Variants in EHBP1 observed in about 807,000 individuals in gnomAD.
EHBP1 encodes the protein EH domain-binding protein 1.
In EHBP1, 55 loss-of-function variants were observed where a neutral mutation model predicts 144.0. That is an observed-to-expected ratio of 0.38 (90% CI 0.31 to 0.48). EHBP1 has a LOEUF of 0.48. Ranked by LOEUF, EHBP1 falls within the 20% of genes least tolerant of loss-of-function variation. The pLI is 0.98. For missense variants in EHBP1, 1,200 were observed against 1,364.2 expected (o/e 0.88, Z 1.90); for synonymous variants, 469 against 472.7 (o/e 0.99, Z 0.10).
At chr2:62,684,800 G>C (rs2033662562) in intron 1 of EHBP1, among the ~76,000 whole-genome samples, 1 of 152,212 alleles carries the variant, frequency 6.6e-6, no homozygotes, top group Non-Finnish European at 1.5e-5. Context: ...GAGACAGGGA[G>C]GGAGGGAGAG....
chr2:62,874,318 A>G (rs754836397), intron 9 of EHBP1, 28 bp from the exon 10 acceptor site: 7 of 1,481,358 alleles, frequency 4.7e-6, no homozygotes, highest in South Asian at 4.0e-5. Flanking sequence ...TTTGAGAGAC[A>G]TCTAACAATA....
At chr2:62,895,445 A>C (rs918698989) in intron 10 of EHBP1, among the ~76,000 whole-genome samples, 3 of 152,138 alleles carry the variant, frequency 2.0e-5, no homozygotes, top group African/African-American at 7.2e-5. Context: ...CCCTGTCTTC[A>C]GCTTCTGCTG....
intron 1 of EHBP1, among the ~76,000 whole-genome samples, chr2:62,698,196 G>A (rs1194086091): frequency 6.6e-6 from 1 of 152,190 alleles, no homozygotes; most frequent in Non-Finnish European, 1.5e-5. Context: ...TGCTTTAATT[G>A]TTCAAGAAAA....
At chr2:63,039,419 A>G (rs1206330273) in intron 21 of EHBP1, among the ~76,000 whole-genome samples, 2 of 152,156 alleles carry the variant, frequency 1.3e-5, no homozygotes, top group Non-Finnish European at 2.9e-5. Flanking sequence ...CATTTACTAT[A>G]TATGATTTTT....
At chr2:62,725,408 G>A (rs1344517538) in intron 2 of EHBP1, among the ~76,000 whole-genome samples, 1 of 152,226 alleles carries the variant, frequency 6.6e-6, no homozygotes, top group African/African-American at 2.4e-5. Context: ...CAACCCATTC[G>A]TGGGGATGCG....
At chr2:62,858,544 G>C (rs760708451) in intron 7 of EHBP1, 12 of 1,432,912 alleles carry the variant, frequency 8.4e-6, no homozygotes, top group Non-Finnish European at 1.2e-5. Context: ...TTCTGCTTCT[G>C]ATTGCCTGTA....
chr2:62,957,151 G>A (rs1298523971), intron 14 of EHBP1, among the ~76,000 whole-genome samples: 2 of 151,984 alleles, frequency 1.3e-5, no homozygotes, highest in African/African-American at 4.8e-5. Flanking sequence ...ACATACCATG[G>A]TCAATTTGGA....
At chr2:62,905,632 CT>C (rs2152959054) in intron 10 of EHBP1, among the ~76,000 whole-genome samples, 1 of 152,114 alleles carries the variant, frequency 6.6e-6, no homozygotes, top group South Asian at 2.1e-4. Context: ...TGAGACCAGC[CT>C]GGGCAACATG....
At chr2:62,870,031 G>A (rs1394087208) in intron 9 of EHBP1, among the ~76,000 whole-genome samples, 1 of 152,068 alleles carries the variant, frequency 6.6e-6, no homozygotes, top group Non-Finnish European at 1.5e-5. Context: ...AAACTTTTGT[G>A]TATTAACATT....
chr2:62,692,782 T>TGG (rs1316914244), intron 1 of EHBP1, among the ~76,000 whole-genome samples: 2 of 152,134 alleles, frequency 1.3e-5, no homozygotes, highest in Non-Finnish European at 2.9e-5. Context: ...TATATATTTA[T>TGG]GGGGTACCTG....
intron 10 of EHBP1, among the ~76,000 whole-genome samples, chr2:62,935,324 A>T (rs1230746950): frequency 8.3e-6 from 1 of 119,988 alleles, no homozygotes; most frequent in Non-Finnish European, 1.7e-5. Context: ...GCGAGACTCC[A>T]TCTCAAAAAA....
chr2:63,017,628 TAAATTTCTC>T (rs2060538242), intron 19 of EHBP1, among the ~76,000 whole-genome samples: 2 of 152,162 alleles, frequency 1.3e-5, no homozygotes, highest in African/African-American at 4.8e-5. Flanking sequence ...TTTTAATACT[TAAATTTCTC>T]AACATCTCCT....
At chr2:62,922,848 G>C (rs141807530) in intron 10 of EHBP1, among the ~76,000 whole-genome samples, 4 of 152,246 alleles carry the variant, frequency 2.6e-5, no homozygotes, top group Non-Finnish European at 5.9e-5. Flanking sequence ...AGAACTTCTT[G>C]TTGTGGGTAA....
chr2:62,752,275 C>A (rs2039814648), intron 3 of EHBP1, among the ~76,000 whole-genome samples: 1 of 152,176 alleles, frequency 6.6e-6, no homozygotes, highest in African/African-American at 2.4e-5. Context: ...TGTTCAGTTT[C>A]CATGTAGTTG....
At chr2:63,006,263 A>G (rs528828739) in intron 19 of EHBP1, among the ~76,000 whole-genome samples, 82 of 152,044 alleles carry the variant, frequency 5.4e-4, no homozygotes, top group Non-Finnish European at 9.9e-4. Flanking sequence ...TTTAAATCCC[A>G]TCATCCCATT....
chr2:62,675,521 G>A (rs1286183220), intron 1 of EHBP1, among the ~76,000 whole-genome samples: 2 of 152,156 alleles, frequency 1.3e-5, no homozygotes, highest in Non-Finnish European at 2.9e-5. Flanking sequence ...CATTGAAATA[G>A]TCTTGAAACT....
rs577098908 is a variant in EHBP1 at position 62,897,422 on chromosome 2, T to C, written c.1185+22890T>C. ...GCTGCAATGAATAACCTTGTACATA[T>C]ATTATTTCATATATGTTGGATAAAT... On this transcript the variant is annotated intron_variant, in intron 10 of 22. Coordinates refer to ENST00000431489, the MANE Select transcript of EHBP1 (RefSeq NM_001142616.3). Among the ~76,000 whole-genome samples, 123 of 152,360 alleles carry C rather than the reference T, an allele frequency of 8.1e-4. 1 individual carries two copies. The highest frequency in any genetic ancestry group is 8.0e-3 in the Admixed American group (123 of 15,306).
At chr2:62,777,663 T>C (rs1014277183) in intron 5 of EHBP1, among the ~76,000 whole-genome samples, 2 of 152,170 alleles carry the variant, frequency 1.3e-5, no homozygotes, top group African/African-American at 4.8e-5. Context: ...CAATGATAAC[T>C]TATATTTGAT....
At chr2:62,803,377 G>T (rs1158364165) in intron 5 of EHBP1, among the ~76,000 whole-genome samples, 1 of 152,112 alleles carries the variant, frequency 6.6e-6, no homozygotes, top group Non-Finnish European at 1.5e-5. Context: ...CCCATAACAG[G>T]CTATAACTGT....
Sources: gnomAD v4.1 joint callset for allele counts (sites outside exome capture counted in the v4.1 genomes callset) on GRCh38, gnomAD v4.1.1 for gene constraint, MANE v1.5 for transcripts, NCBI Gene and HGNC (gene_info 2026-07-23, HGNC 2026-07-21) for gene names.